The following HDAC8 variants were observed in gnomAD, a reference collection of about 807,000 sequenced individuals.
HDAC8 encodes histone deacetylase-like 1.
A neutral mutation model predicts 32.2 loss-of-function variants in HDAC8; 1 was observed. That is an observed-to-expected ratio of 0.03 (90% CI 0.01 to 0.15). The LOEUF (loss-of-function observed/expected upper bound fraction) is 0.15. Among genes scored for constraint, HDAC8 ranks in the 10% least tolerant of loss-of-function variants. The pLI, the probability that HDAC8 is intolerant of heterozygous loss-of-function variation, is 1.00. For synonymous variants in HDAC8, 108 were observed against 113.9 expected (o/e 0.95, Z 0.33); for missense variants, 117 against 300.0 (o/e 0.39, Z 4.51).
intron 9 of HDAC8, among the ~76,000 whole-genome samples, chrX:72,360,131 C>T (rs1730217592): frequency 9.2e-6 from 1 of 108,314 alleles, no homozygotes; most frequent in Non-Finnish European, 1.9e-5. Flanking sequence ...GTGAGGCGGG[C>T]AGGTCACGAG....
intron 9 of HDAC8, among the ~76,000 whole-genome samples, chrX:72,392,051 C>A: frequency 8.9e-6 from 1 of 112,119 alleles, no homozygotes; most frequent in Non-Finnish European, 1.9e-5. Flanking sequence ...TTACAGAGAA[C>A]TTCACAGAAA....
At chrX:72,564,108 C>T (rs994184743) in intron 4 of HDAC8, among the ~76,000 whole-genome samples, 3 of 110,650 alleles carry the variant, frequency 2.7e-5, no homozygotes, top group Non-Finnish European at 3.8e-5. Flanking sequence ...TGCAGTGAGC[C>T]GAGATCACAC....
chrX:72,562,011 A>G (rs1421657231), intron 4 of HDAC8, among the ~76,000 whole-genome samples: 1 of 112,391 alleles, frequency 8.9e-6, no homozygotes. Flanking sequence ...AATGGCCATA[A>G]TAAAAAAATC....
At chrX:72,566,617 C>G (rs2051801324) in intron 4 of HDAC8, among the ~76,000 whole-genome samples, 1 of 112,046 alleles carries the variant, frequency 8.9e-6, no homozygotes, top group African/African-American at 3.2e-5. Flanking sequence ...CTAAGAGCAC[C>G]TAAGGTCACG....
intron 8 of HDAC8, 110 bp downstream of exon 8, chrX:72,464,449 G>A (rs1555993032): frequency 1.6e-6 from 1 of 612,078 alleles, no homozygotes; most frequent in African/African-American, 2.2e-5. Context: ...CTGGGCCTCA[G>A]GTAGGTTGGT....
At chrX:72,372,913 G>A (rs926903668) in intron 9 of HDAC8, among the ~76,000 whole-genome samples, 4 of 111,581 alleles carry the variant, frequency 3.6e-5, no homozygotes, top group Non-Finnish European at 7.5e-5. Context: ...ATGAGTCAGC[G>A]ACTGTGTTAA....
intron 10 of HDAC8, among the ~76,000 whole-genome samples, chrX:72,344,278 AT>A (rs1246981944): frequency 1.8e-5 from 2 of 112,116 alleles, no homozygotes; most frequent in Non-Finnish European, 3.8e-5. Flanking sequence ...GCATAAAAAA[AT>A]AAAAATCATC....
At chrX:72,366,802 T>C (rs374268848) in intron 9 of HDAC8, among the ~76,000 whole-genome samples, 3 of 111,381 alleles carry the variant, frequency 2.7e-5, no homozygotes, top group African/African-American at 9.8e-5. Context: ...CAGGCGGCTC[T>C]AGTGACATCA....
At chrX:72,483,452 T>G (rs1556004140) in intron 7 of HDAC8, among the ~76,000 whole-genome samples, 1 of 111,461 alleles carries the variant, frequency 9.0e-6, no homozygotes, top group East Asian at 2.8e-4. Context: ...TGTGATATGC[T>G]GACTCCCCCT....
chrX:72,372,481 T>C (rs782428134), intron 9 of HDAC8, among the ~76,000 whole-genome samples: 11 of 111,262 alleles, frequency 9.9e-5, no homozygotes, highest in Non-Finnish European at 1.7e-4. Context: ...AATGAACGGA[T>C]GGATGAAAGA....
intron 7 of HDAC8, among the ~76,000 whole-genome samples, chrX:72,478,739 C>T (rs1279002530): frequency 2.8e-5 from 3 of 106,158 alleles, no homozygotes; most frequent in African/African-American, 6.9e-5. Context: ...CTGTAACCTC[C>T]GCCTCCTGGG....
intron 9 of HDAC8, among the ~76,000 whole-genome samples, chrX:72,401,810 T>C (rs1311287510): frequency 8.9e-6 from 1 of 112,438 alleles, no homozygotes; most frequent in African/African-American, 3.2e-5. Flanking sequence ...TCCATTCTGT[T>C]TTGGTTACTG....
At chrX:72,352,321 ACCAACC>A (rs2044206624) in intron 9 of HDAC8, among the ~76,000 whole-genome samples, 1 of 110,850 alleles carries the variant, frequency 9.0e-6, no homozygotes, top group East Asian at 2.8e-4. Context: ...CTCCTTCTCC[ACCAACC>A]CCAAGAGCAT....
At chrX:72,418,692 C>G (rs2046410029) in intron 9 of HDAC8, among the ~76,000 whole-genome samples, 1 of 111,654 alleles carries the variant, frequency 9.0e-6, no homozygotes, top group African/African-American at 3.2e-5. Context: ...GGTATATACT[C>G]AAAGGAATAG....
At chrX:72,506,558 G>A (rs1556019113) in intron 4 of HDAC8, among the ~76,000 whole-genome samples, 1 of 111,897 alleles carries the variant, frequency 8.9e-6, no homozygotes, top group Non-Finnish European at 1.9e-5. Context: ...TTCTGCAGGA[G>A]GGCATTAATT....
Position 72,329,888 on chromosome X carries a change from AC to A in HDAC8, c.*165del. The A allele has an allele frequency of 1.3e-6, 1 of 797,829 alleles. No homozygotes were observed. Among genetic ancestry groups the A allele is most frequent in the Non-Finnish European group, 1.8e-6 (1 of 551,796 alleles). The allele number at this position is 797,829 out of a possible 1,213,427, so 65.8% of individuals were successfully genotyped here. ...AGGACTCTGGGGTGCCTGCCTCTTC[AC>A]CCCAGGAAGCCAGCTGCCACTTGAT... On this transcript the variant is annotated 3_prime_UTR_variant, in exon 11 of 11. Coordinates refer to ENST00000373573, the MANE Select transcript of HDAC8 (RefSeq NM_018486.3).
intron 9 of HDAC8, among the ~76,000 whole-genome samples, chrX:72,399,675 C>T (rs1302032828): frequency 1.8e-5 from 2 of 112,145 alleles, no homozygotes; most frequent in East Asian, 5.6e-4. Context: ...GATTCTCCCA[C>T]CTTGGCCTCC....
At chrX:72,490,855 C>A in intron 6 of HDAC8, 74 bp downstream of exon 6, 1 of 840,056 alleles carries the variant, frequency 1.2e-6, no homozygotes, top group South Asian at 2.2e-5. Context: ...ATGGAACTGT[C>A]CAAGTATAAG....
At chrX:72,538,252 C>T (rs782705924) in intron 4 of HDAC8, among the ~76,000 whole-genome samples, 5 of 106,982 alleles carry the variant, frequency 4.7e-5, no homozygotes, top group East Asian at 5.9e-4. Context: ...GGCACCATCT[C>T]GGCTCACTGC....
Sources: allele counts gnomAD v4.1 joint callset (sites outside exome capture counted in the v4.1 genomes callset), GRCh38; gene constraint gnomAD v4.1.1; transcripts MANE v1.5; gene names NCBI Gene and HGNC (gene_info 2026-07-23, HGNC 2026-07-21).